GPC5: variants seen among roughly 807,000 people sequenced by gnomAD.
The protein encoded by GPC5 is glypican-5.
A neutral mutation model predicts 53.9 loss-of-function variants in GPC5; 47 were observed. The ratio of observed to expected loss-of-function variants is 0.87; its 90% CI spans 0.69 to 1.11. The LOEUF (loss-of-function observed/expected upper bound fraction) is 1.11, where lower values mean the gene tolerates loss of function less well. Among genes scored for constraint, GPC5 ranks in the 50% most tolerant of loss-of-function variants. The pLI, the probability that GPC5 is intolerant of heterozygous loss-of-function variation, is 0.00. For missense variants in GPC5, 748 were observed against 713.1 expected (o/e 1.05, Z -0.56); for synonymous variants, 286 against 263.3 (o/e 1.09, Z -0.84).
intron 6 of GPC5, among the ~76,000 whole-genome samples, chr13:92,121,706 ACAATTC>A (rs1257377635): frequency 6.6e-6 from 1 of 152,174 alleles, no homozygotes; most frequent in African/African-American, 2.4e-5. Flanking sequence ...GACTATCAGG[ACAATTC>A]TATTCACCTT....
chr13:92,478,613 A>G (rs976847323), intron 7 of GPC5, among the ~76,000 whole-genome samples: 3 of 152,206 alleles, frequency 2.0e-5, no homozygotes, highest in Admixed American at 6.6e-5. Flanking sequence ...ATGTAAATCT[A>G]TATCAGTTCA....
chr13:92,224,106 G>A (rs10492505), intron 7 of GPC5, among the ~76,000 whole-genome samples: 48,326 of 151,888 alleles, frequency 0.32, 7,843 homozygotes, highest in African/African-American at 0.33. Flanking sequence ...AGATTATGGT[G>A]ACTTAGAATT....
At chr13:92,624,748 G>T (rs996774967) in intron 7 of GPC5, among the ~76,000 whole-genome samples, 1 of 152,264 alleles carries the variant, frequency 6.6e-6, no homozygotes, top group African/African-American at 2.4e-5. Context: ...ATAACAGGAG[G>T]TACACCTGCT....
At chr13:92,479,570 T>C (rs1362418225) in intron 7 of GPC5, among the ~76,000 whole-genome samples, 2 of 152,038 alleles carry the variant, frequency 1.3e-5, no homozygotes, top group Admixed American at 1.3e-4. Context: ...AGAACTGGAG[T>C]ACAGCTGCAG....
chr13:91,810,935 A>C (rs2038301520), intron 5 of GPC5, among the ~76,000 whole-genome samples: 1 of 142,100 alleles, frequency 7.0e-6, no homozygotes, highest in Non-Finnish European at 1.5e-5. Flanking sequence ...GATTTTGTGT[A>C]ACCAAAAAAA....
At chr13:92,120,356 C>T (rs2041638646) in intron 6 of GPC5, among the ~76,000 whole-genome samples, 1 of 152,166 alleles carries the variant, frequency 6.6e-6, no homozygotes, top group Admixed American at 6.5e-5. Context: ...ATCTTCAGCT[C>T]AAGTAATCCT....
chr13:92,615,222 G>A (rs1884640957), intron 7 of GPC5, among the ~76,000 whole-genome samples: 1 of 152,126 alleles, frequency 6.6e-6, no homozygotes. Flanking sequence ...CTTTACCATA[G>A]CAGTTGTTCT....
intron 6 of GPC5, among the ~76,000 whole-genome samples, chr13:91,911,697 A>G (rs2039612081): frequency 6.6e-6 from 1 of 152,224 alleles, no homozygotes; most frequent in Admixed American, 6.5e-5. Context: ...ACAGAAGACC[A>G]CATAACTGGA....
At chr13:92,030,839 C>T (rs917643412) in intron 6 of GPC5, among the ~76,000 whole-genome samples, 10 of 152,180 alleles carry the variant, frequency 6.6e-5, no homozygotes, top group African/African-American at 2.2e-4. Context: ...ATCTTTGAGA[C>T]GTGGGCCTGT....
chr13:92,105,248 T>A (rs1433170967), intron 6 of GPC5, among the ~76,000 whole-genome samples: 2 of 152,130 alleles, frequency 1.3e-5, no homozygotes, highest in African/African-American at 4.8e-5. Flanking sequence ...AGTTTTGAGC[T>A]CTGAATCTAC....
chr13:92,550,799 T>G (rs1882286390), intron 7 of GPC5, among the ~76,000 whole-genome samples: 1 of 151,932 alleles, frequency 6.6e-6, no homozygotes, highest in Non-Finnish European at 1.5e-5. Context: ...CAGCAGCATA[T>G]ACAACATAAT....
intron 2 of GPC5, among the ~76,000 whole-genome samples, chr13:91,643,145 A>G (rs9556106): frequency 0.48 from 73,457 of 151,964 alleles, 20,864 homozygotes; most frequent in Non-Finnish European, 0.62. Context: ...GTTTTGTAAT[A>G]TAGGAATGAC....
At chr13:92,382,034 C>T (rs1402264851) in intron 7 of GPC5, among the ~76,000 whole-genome samples, 1 of 150,168 alleles carries the variant, frequency 6.7e-6, no homozygotes, top group African/African-American at 2.5e-5. Context: ...ACTATGCAGC[C>T]ATAAGAAGGA....
chr13:91,681,507 G>A (rs1219081589), intron 2 of GPC5, among the ~76,000 whole-genome samples: 4 of 152,174 alleles, frequency 2.6e-5, no homozygotes, highest in African/African-American at 9.7e-5. Context: ...ATCACCAGCA[G>A]TATTCCCTAT....
chr13:92,166,950 TCTCTCTCACACA>T (rs1346010583), intron 7 of GPC5, among the ~76,000 whole-genome samples: 55 of 57,602 alleles, frequency 9.5e-4, no homozygotes, highest in African/African-American at 2.1e-3. Context: ...TCTCTCTCTC[TCTCTCTCACACA>T]CACACACACA....
intron 2 of GPC5, among the ~76,000 whole-genome samples, chr13:91,678,947 A>G (rs766325111): frequency 6.6e-6 from 1 of 152,154 alleles, no homozygotes; most frequent in Non-Finnish European, 1.5e-5. Context: ...ATCAAAGTGT[A>G]TTAGTTTACT....
chr13:92,297,601 C>G (rs9589490), intron 7 of GPC5, among the ~76,000 whole-genome samples: 7,775 of 151,844 alleles, frequency 0.051, 548 homozygotes, highest in African/African-American at 0.16. Flanking sequence ...ACCTGTGTGT[C>G]GAAACTCTGT....
chr13:91,734,499 T>C (rs2140037405), intron 4 of GPC5, among the ~76,000 whole-genome samples: 1 of 151,568 alleles, frequency 6.6e-6, no homozygotes. Flanking sequence ...CACAGGATAA[T>C]GGTATTCTGG....
chr13:91,688,895 T>C (rs1217307169), intron 2 of GPC5, among the ~76,000 whole-genome samples: 1 of 151,892 alleles, frequency 6.6e-6, no homozygotes, highest in African/African-American at 2.4e-5. Flanking sequence ...TGGTATAGAC[T>C]GAGCCTGTAA....
Sources: allele counts gnomAD v4.1 joint callset (sites outside exome capture counted in the v4.1 genomes callset), GRCh38; gene constraint gnomAD v4.1.1; transcripts MANE v1.5; gene names NCBI Gene and HGNC (gene_info 2026-07-23, HGNC 2026-07-21).